ABCB5: variants seen among roughly 807,000 people sequenced by gnomAD.
The protein encoded by ABCB5 is ATP-binding cassette sub-family B member 5.
In ABCB5, 155 loss-of-function variants were observed where a neutral mutation model predicts 144.2. The observed-to-expected ratio is 1.08, with a 90% CI of 0.94 to 1.23. The LOEUF is 1.23. Among genes scored for constraint, ABCB5 ranks in the 50% most tolerant of loss-of-function variants. The pLI is 0.00. For synonymous variants in ABCB5, 610 were observed against 528.6 expected, an observed-to-expected ratio of 1.15 and a Z score of -2.11; for missense variants, 1,830 against 1,520.8, an observed-to-expected ratio of 1.20 and a Z score of -3.38.
intron 17 of ABCB5, among the ~76,000 whole-genome samples, chr7:20,699,506 G>A (rs1052929713): frequency 1.3e-5 from 2 of 151,990 alleles, no homozygotes; most frequent in Non-Finnish European, 2.9e-5. Context: ...CTTGAGACCA[G>A]CCTGCCCAGT....
Position 20,698,430 on chromosome 7 carries a change from A to G in ABCB5, c.2034A>G (p.Leu678=), listed in dbSNP as rs1286156984. 11 of 1,581,156 alleles carry G rather than the reference A, an allele frequency of 7.0e-6. No homozygotes were observed. The highest frequency in any genetic ancestry group is 3.6e-5 in the South Asian group (3 of 84,022). ...AGATAAGTCTTCCTGAAGTCTCTCTATTAAAAATTTTAAAGTTAAACAAGC... is the reference window on the plus strand; with the variant it reads ...AGATAAGTCTTCCTGAAGTCTCTCTGTTAAAAATTTTAAAGTTAAACAAGC... ...SKEISLPEVS[L]LKILKLNKPE... The change falls in exon 17 of 28, where the codon CTA becomes CTG. Residue 678 remains leucine, a synonymous_variant. Coordinates refer to ENST00000404938, the MANE Select transcript of ABCB5 (RefSeq NM_001163941.2).
intron 14 of ABCB5, chr7:20,659,076 G>A (rs1562544766): frequency 6.2e-7 from 1 of 1,613,936 alleles, no homozygotes; most frequent in Non-Finnish European, 8.5e-7. Context: ...GATACCCCCA[G>A]GTATTCATTT....
At chr7:20,667,126 C>A (rs1253194138) in intron 14 of ABCB5, 1 of 807,016 alleles carries the variant, frequency 1.2e-6, no homozygotes, top group Non-Finnish European at 1.5e-6. Flanking sequence ...ACAGTTTTTT[C>A]CCTTTTAAGT....
chr7:20,739,267 C>T, intron 24 of ABCB5, 128 bp downstream of exon 24: 1 of 897,940 alleles, frequency 1.1e-6, no homozygotes, highest in Middle Eastern at 3.6e-4. Context: ...TACTCAGTAC[C>T]TGTGTGACAA....
At chr7:20,643,795 C>T (rs981277147) in intron 7 of ABCB5, among the ~76,000 whole-genome samples, 163 bp downstream of exon 7, 1 of 152,192 alleles carries the variant, frequency 6.6e-6, no homozygotes, top group African/African-American at 2.4e-5. Context: ...CCATTAATCC[C>T]CTTTCTATCT....
intron 20 of ABCB5, among the ~76,000 whole-genome samples, chr7:20,713,861 T>C (rs899252783): frequency 2.0e-5 from 3 of 150,552 alleles, no homozygotes; most frequent in Non-Finnish European, 3.0e-5. Context: ...TCTGCAGATA[T>C]CTCGATTTAT....
chr7:20,640,729 G>A (rs776607506), intron 5 of ABCB5, among the ~76,000 whole-genome samples: 12 of 152,122 alleles, frequency 7.9e-5, no homozygotes, highest in Non-Finnish European at 1.3e-4. Context: ...AACACCACAA[G>A]TATTGACTTG....
At chr7:20,665,979 G>C (rs368853693) in intron 14 of ABCB5, among the ~76,000 whole-genome samples, 20 of 151,848 alleles carry the variant, frequency 1.3e-4, no homozygotes, top group African/African-American at 4.6e-4. Context: ...AGACCAGCCT[G>C]ACCAACATGG....
At chr7:20,684,434 T>C (rs571623317) in intron 15 of ABCB5, among the ~76,000 whole-genome samples, 1 of 152,090 alleles carries the variant, frequency 6.6e-6, no homozygotes, top group Non-Finnish European at 1.5e-5. Context: ...TGCCACAAAG[T>C]GAGAAACTCC....
At chr7:20,646,195 T>C (rs1333544284) in intron 9 of ABCB5, 57 bp downstream of exon 9, 7 of 1,505,010 alleles carry the variant, frequency 4.7e-6, no homozygotes, top group African/African-American at 2.8e-5. Flanking sequence ...TTACCTAGTT[T>C]AGCCAAAATT....
chr7:20,660,184 C>A (rs1407995062), intron 14 of ABCB5: 5 of 981,790 alleles, frequency 5.1e-6, no homozygotes, highest in Non-Finnish European at 1.2e-6. Context: ...AAACATCTAT[C>A]AAAAGTGAAA....
Position 20,732,717 on chromosome 7 carries a change from G to T in ABCB5, c.2867+4262G>T, listed in dbSNP as rs1045003605. Among the ~76,000 whole-genome samples, 4 of 152,250 alleles carry T rather than the reference G, an allele frequency of 2.6e-5. 1 individual carries two copies. In the South Asian group the frequency reaches 6.2e-4, roughly 24 times the overall value. ...ACCAGGTGCTTTGGCAGGAGGACTG[G>T]ATCTAAATCGAGGGCAACCATTGAT... is the stretch of plus-strand genomic sequence containing the variant. On this transcript the variant is annotated intron_variant, in intron 23 of 27. Transcript: ENST00000404938.
rs148357630 is a variant in ABCB5, at chr7:20,643,148, G to C, written c.315-36G>C. 1.6e-4 allele frequency: 245 copies of C among 1,527,582 alleles called. 2 individuals carry two copies. The African/African-American group carries it at 3.3e-3, about 20-fold the overall frequency. 94.6% of individuals were successfully genotyped at this position (1,527,582 alleles called of 1,614,324 possible). A position where few individuals can be genotyped will look rare whatever the true frequency, so the allele number is the denominator to read the frequency against. On this transcript the variant is annotated intron_variant, in intron 5 of 27. Coordinates refer to ENST00000404938, the MANE Select transcript of ABCB5 (RefSeq NM_001163941.2). ...ATGTGTGTAACAAGATAAAAATGTT[G>C]TGCTTCAGTCTCACATTCTAATACT... is the stretch of plus-strand genomic sequence containing the variant.
At chr7:20,658,327 C>CTTT (rs759670787) in intron 13 of ABCB5, among the ~76,000 whole-genome samples, 179 bp from the exon 14 acceptor site, 3,588 of 140,646 alleles carry the variant, frequency 0.026, 88 homozygotes, top group African/African-American at 0.061. Flanking sequence ...TCTTTGGGCT[C>CTTT]TTTTTTTTTT....
intron 16 of ABCB5, among the ~76,000 whole-genome samples, chr7:20,690,180 T>C (rs546242982): frequency 6.6e-6 from 1 of 152,360 alleles, no homozygotes; most frequent in Admixed American, 6.5e-5. Context: ...AACATTTACT[T>C]TGTGAATCTA....
At position 20,756,329 on chromosome 7, in the gene ABCB5, AACTT is replaced by A. The variant is rs1020142361; in HGVS notation, c.*715_*718del. On this transcript the variant is annotated 3_prime_UTR_variant, in exon 28 of 28. Transcript: ENST00000404938. The stretch of plus-strand genomic sequence containing the variant: ...AGTCACAGGCCTACCTGTTTATGAA[AACTT>A]ACTTACTTAAAATAAGAGCTACTTT... The A allele has an allele frequency of 2.0e-5, 3 of 152,292 alleles. No individual in the cohort carries two copies. The highest frequency in any genetic ancestry group is 1.9e-4 in the East Asian group (1 of 5,338). 9.4% of individuals were successfully genotyped at this position (152,292 alleles called of 1,614,324 possible).
intron 13 of ABCB5, among the ~76,000 whole-genome samples, chr7:20,656,316 G>C (rs1583400102): frequency 6.6e-6 from 1 of 151,906 alleles, no homozygotes; most frequent in Admixed American, 6.6e-5. Context: ...ACATCATTTA[G>C]AAAACAAAAA....
chr7:20,678,297 A>G (rs991448309), intron 14 of ABCB5, among the ~76,000 whole-genome samples: 2 of 152,134 alleles, frequency 1.3e-5, no homozygotes, highest in Admixed American at 6.5e-5. Flanking sequence ...TCTCTTATAG[A>G]TTTGGAAAAA....
At chr7:20,680,343 G>A (rs559815601) in intron 14 of ABCB5, among the ~76,000 whole-genome samples, 7 of 152,220 alleles carry the variant, frequency 4.6e-5, no homozygotes, top group Non-Finnish European at 8.8e-5. Flanking sequence ...TGCATCACAA[G>A]GTCAGGAGAT....
Sources: gnomAD v4.1 joint callset for allele counts (sites outside exome capture counted in the v4.1 genomes callset) on GRCh38, gnomAD v4.1.1 for gene constraint, MANE v1.5 for transcripts, NCBI Gene and HGNC (gene_info 2026-07-23, HGNC 2026-07-21) for gene names.